Variants in CHSY3 observed in about 807,000 individuals in gnomAD.
CHSY3 encodes chondroitin sulfate synthase 3.
Under a neutral mutation model 67.2 loss-of-function variants are expected in CHSY3, and 35 were observed. The observed-to-expected ratio is 0.52, with a 90% CI of 0.40 to 0.69. The LOEUF (loss-of-function observed/expected upper bound fraction) is 0.69, where lower values mean the gene tolerates loss of function less well. Among genes scored for constraint, CHSY3 ranks in the 30% least tolerant of loss-of-function variants. The probability of loss-of-function intolerance (pLI) is 0.00; values close to 1 mark genes in which losing one functional copy is unlikely to be tolerated. For missense variants in CHSY3, 1,069 were observed against 1,138.5 expected, an observed-to-expected ratio of 0.94 and a Z score of 0.88; for synonymous variants, 474 against 434.7, an observed-to-expected ratio of 1.09 and a Z score of -1.12.
intron 2 of CHSY3, among the ~76,000 whole-genome samples, chr5:129,980,876 A>G (rs1762960206): frequency 6.6e-6 from 1 of 152,064 alleles, no homozygotes; most frequent in African/African-American, 2.4e-5. Context: ...AAAAAACCAT[A>G]AAACCATGTT....
At chr5:130,036,472 A>G (rs974988157) in intron 2 of CHSY3, among the ~76,000 whole-genome samples, 2 of 152,142 alleles carry the variant, frequency 1.3e-5, no homozygotes, top group African/African-American at 4.8e-5. Context: ...GATGCTGTAA[A>G]TGCTCTCCCT....
intron 2 of CHSY3, among the ~76,000 whole-genome samples, chr5:130,085,426 G>T (rs1766583746): frequency 6.6e-6 from 1 of 151,910 alleles, no homozygotes; most frequent in South Asian, 2.1e-4. Flanking sequence ...TATCTTGGTT[G>T]ATATGAACTT....
chr5:130,156,095 T>C lies in CHSY3; in HGVS notation c.1087-28134T>C, dbSNP rs1769368909. Among the ~76,000 whole-genome samples the C allele has an allele frequency of 1.3e-5, 2 of 152,200 alleles. 1 individual carries two copies. Among genetic ancestry groups the C allele is most frequent in the Non-Finnish European group, 2.9e-5 (2 of 68,012 alleles). On this transcript the variant is annotated intron_variant, in intron 2 of 2. Transcript: ENST00000305031. Reference sequence around the variant, plus strand: ...AACTGTCAGATTTCTTATCATAGTATACACTACCTGGAGTAATTTTTTTCC... The same window carrying C: ...AACTGTCAGATTTCTTATCATAGTACACACTACCTGGAGTAATTTTTTTCC...
intron 2 of CHSY3, among the ~76,000 whole-genome samples, chr5:130,058,367 C>T (rs1470658306): frequency 3.3e-5 from 5 of 152,126 alleles, no homozygotes; most frequent in Non-Finnish European, 7.4e-5. Context: ...GTGGCTCACA[C>T]CTGTAATCCC....
intron 2 of CHSY3, among the ~76,000 whole-genome samples, chr5:129,941,745 G>T (rs1203029777): frequency 6.6e-6 from 1 of 152,086 alleles, no homozygotes; most frequent in Non-Finnish European, 1.5e-5. Flanking sequence ...CAGTTCTCAT[G>T]CTCTCTACTT....
chr5:130,183,203 G>GAATC (rs1282321701), intron 2 of CHSY3, among the ~76,000 whole-genome samples: 1 of 151,954 alleles, frequency 6.6e-6, no homozygotes, highest in African/African-American at 2.4e-5. Context: ...AGAAAAGGAA[G>GAATC]AATCAGCTGG....
intron 2 of CHSY3, among the ~76,000 whole-genome samples, chr5:129,930,255 C>G (rs1430551241): frequency 6.6e-6 from 1 of 151,650 alleles, no homozygotes; most frequent in Admixed American, 6.6e-5. Context: ...ATCATTTGCA[C>G]CCAGGATGCA....
rs189229616 is a variant in CHSY3, at chr5:130,092,673, C to T, written c.1087-91556C>T. 2.2e-3 allele frequency among the ~76,000 whole-genome samples: 341 copies of T among 152,200 alleles called. 1 individual carries two copies. The highest frequency in any genetic ancestry group is 2.7e-3 in the Non-Finnish European group (182 of 68,022). On this transcript the variant is annotated intron_variant, in intron 2 of 2. Transcript: ENST00000305031. ...AAGATACCAGGGGTTTGGTATAGGTCCTGCTGCTTGCATTACAGAAAACCA... is the reference window on the plus strand; with the variant it reads ...AAGATACCAGGGGTTTGGTATAGGTTCTGCTGCTTGCATTACAGAAAACCA...
At chr5:130,166,871 T>G (rs1769762535) in intron 2 of CHSY3, among the ~76,000 whole-genome samples, 1 of 152,096 alleles carries the variant, frequency 6.6e-6, no homozygotes, top group Non-Finnish European at 1.5e-5. Flanking sequence ...TTCCTTCTTT[T>G]TTTAAGCTAA....
chr5:130,085,067 C>T (rs768191711), intron 2 of CHSY3, among the ~76,000 whole-genome samples: 4 of 151,880 alleles, frequency 2.6e-5, no homozygotes, highest in Non-Finnish European at 5.9e-5. Flanking sequence ...TATCCTACCT[C>T]CACTTCTCAT....
chr5:129,966,409 T>A (rs1762469557), intron 2 of CHSY3, among the ~76,000 whole-genome samples: 1 of 151,830 alleles, frequency 6.6e-6, no homozygotes, highest in Non-Finnish European at 1.5e-5. Context: ...ACTTGCCAGA[T>A]AACCGTTATC....
At chr5:129,976,435 G>C (rs1762807667) in intron 2 of CHSY3, among the ~76,000 whole-genome samples, 1 of 152,120 alleles carries the variant, frequency 6.6e-6, no homozygotes, top group African/African-American at 2.4e-5. Flanking sequence ...TGGTTTCATA[G>C]ATAATATCCC....
At chr5:130,024,758 T>C (rs1764492975) in intron 2 of CHSY3, among the ~76,000 whole-genome samples, 1 of 152,138 alleles carries the variant, frequency 6.6e-6, no homozygotes, top group Admixed American at 6.6e-5. Flanking sequence ...TGATCTACAA[T>C]TTGAGATAGA....
chr5:130,106,548 T>C (rs945039518), intron 2 of CHSY3, among the ~76,000 whole-genome samples: 5 of 151,742 alleles, frequency 3.3e-5, no homozygotes, highest in African/African-American at 7.2e-5. Context: ...GAAATAAATA[T>C]GTTTCAGGTG....
chr5:130,034,650 A>G (rs1764796987), intron 2 of CHSY3, among the ~76,000 whole-genome samples: 1 of 152,176 alleles, frequency 6.6e-6, no homozygotes, highest in Non-Finnish European at 1.5e-5. Context: ...ATTAAAAGTA[A>G]GCAATCAAAA....
At chr5:130,087,727 C>G (rs1186573156) in intron 2 of CHSY3, among the ~76,000 whole-genome samples, 2 of 151,892 alleles carry the variant, frequency 1.3e-5, no homozygotes, top group Non-Finnish European at 2.9e-5. Flanking sequence ...AGGATACAAA[C>G]AAATGGAAGA....
chr5:130,107,029 G>A (rs1239548051), intron 2 of CHSY3, among the ~76,000 whole-genome samples: 6 of 151,158 alleles, frequency 4.0e-5, no homozygotes, highest in Non-Finnish European at 8.9e-5. Flanking sequence ...CTCTATTTCT[G>A]GATTTACTCT....
At chr5:129,985,516 T>G (rs561520032) in intron 2 of CHSY3, among the ~76,000 whole-genome samples, 1 of 152,294 alleles carries the variant, frequency 6.6e-6, no homozygotes, top group East Asian at 1.9e-4. Context: ...GGCTTTTTTT[T>G]TTGGTTCCAA....
chr5:130,083,405 T>C (rs1374199411), intron 2 of CHSY3, among the ~76,000 whole-genome samples: 2 of 152,078 alleles, frequency 1.3e-5, no homozygotes, highest in Non-Finnish European at 2.9e-5. Context: ...GTTAGCATTT[T>C]ATGGAAATGT....
Sources: gnomAD v4.1 joint callset for allele counts (sites outside exome capture counted in the v4.1 genomes callset) on GRCh38, gnomAD v4.1.1 for gene constraint, MANE v1.5 for transcripts, NCBI Gene and HGNC (gene_info 2026-07-23, HGNC 2026-07-21) for gene names.